The following TRPC4AP variants were observed in gnomAD, a reference collection of about 807,000 sequenced individuals.
The protein encoded by TRPC4AP is short transient receptor potential channel 4-associated protein.
TRPC4AP carries 45 observed loss-of-function variants against 99.0 expected under a neutral mutation model. The observed-to-expected ratio is 0.45, with a 90% CI of 0.36 to 0.58. TRPC4AP has a LOEUF of 0.58. Ranked by LOEUF, TRPC4AP falls within the 20% of genes least tolerant of loss-of-function variation. The pLI is 0.00. For synonymous variants in TRPC4AP, 408 were observed against 385.8 expected, an observed-to-expected ratio of 1.06 and a Z score of -0.67; for missense variants, 879 against 985.3, an observed-to-expected ratio of 0.89 and a Z score of 1.44.
intron 6 of TRPC4AP, 115 bp downstream of exon 6, chr20:35,049,751 A>T (rs1186429282): frequency 8.0e-7 from 1 of 1,252,934 alleles, no homozygotes; most frequent in East Asian, 2.5e-5. Context: ...ACATCTGAGT[A>T]ACAAGACATA....
Position 35,035,194 on chromosome 20 carries a change from G to A in TRPC4AP, c.980C>T (p.Thr327Ile), listed in dbSNP as rs1195957900. ...TAGCACCAAAGCATTGTCTAGCCAT[G>A]TGTACCACTCTTCCAACTCCTGAAG... is the stretch of plus-strand genomic sequence containing the variant. The part of the protein sequence containing the change: ...SFLQELEEWY[T>I]WLDNALVLDA... Residue 327 changes from threonine to isoleucine, a missense_variant, in exon 8 of 19, where the codon ACA becomes ATA. Thr to Ile is a moderately conservative substitution (Grantham distance 89). This residue lies in a region of TRPC4AP where 603 missense variants were observed against 631.8 expected (regional missense o/e 0.95). Transcript: ENST00000252015. 1 of 1,614,124 alleles carries A rather than the reference G, an allele frequency of 6.2e-7. No individual in the cohort carries two copies. The highest frequency in any genetic ancestry group is 1.7e-5 in the Admixed American group (1 of 60,004).
At chr20:35,052,101 T>C (rs2083715767) in intron 5 of TRPC4AP, among the ~76,000 whole-genome samples, 1 of 150,604 alleles carries the variant, frequency 6.6e-6, no homozygotes, top group African/African-American at 2.4e-5. Context: ...TTTTTTGGTT[T>C]TTTTTTTTTT....
At chr20:35,044,738 C>A (rs2083521110) in intron 6 of TRPC4AP, 26 bp from the exon 7 acceptor site, 4 of 1,607,988 alleles carry the variant, frequency 2.5e-6, no homozygotes, top group Non-Finnish European at 3.4e-6. Context: ...ATGAAACAAT[C>A]CCCATGCTCA....
chr20:35,083,384 G>C (rs942442408), intron 1 of TRPC4AP, among the ~76,000 whole-genome samples: 2 of 151,930 alleles, frequency 1.3e-5, no homozygotes, highest in African/African-American at 4.8e-5. Flanking sequence ...CAGATCACCT[G>C]AGATCAAGAG....
intron 7 of TRPC4AP, among the ~76,000 whole-genome samples, chr20:35,039,878 CTT>C (rs2083408376): frequency 6.6e-6 from 1 of 151,396 alleles, no homozygotes; most frequent in Non-Finnish European, 1.5e-5. Flanking sequence ...AAAATAATGA[CTT>C]ACGCTATCTT....
At chr20:35,057,391 C>T in intron 4 of TRPC4AP, 123 bp downstream of exon 4, 1 of 749,284 alleles carries the variant, frequency 1.3e-6, no homozygotes, top group South Asian at 1.8e-5. Flanking sequence ...CAACCTGTAG[C>T]TAAATGTAAG....
At chr20:35,027,940 G>A (rs1290526593) in intron 8 of TRPC4AP, among the ~76,000 whole-genome samples, 1 of 151,922 alleles carries the variant, frequency 6.6e-6, no homozygotes, top group Non-Finnish European at 1.5e-5. Context: ...TCTTTTTAAA[G>A]ATTACCTTTA....
At chr20:35,066,896 G>A (rs1191186988) in intron 3 of TRPC4AP, among the ~76,000 whole-genome samples, 1 of 151,990 alleles carries the variant, frequency 6.6e-6, no homozygotes, top group African/African-American at 2.4e-5. Context: ...CGAAAAAGGT[G>A]CAAAACAGAA....
intron 7 of TRPC4AP, 127 bp from the exon 8 acceptor site, chr20:35,035,435 T>C (rs371199403): frequency 9.9e-7 from 1 of 1,009,444 alleles, no homozygotes. Context: ...AGCTACTCTT[T>C]TAAAATGAAT....
In TRPC4AP at chr20:35,003,537, C is replaced by A; in HGVS notation, c.2129G>T (p.Arg710Leu). 6.2e-7 allele frequency: 1 copy of A among 1,613,912 alleles called. No individual in the cohort carries two copies. Among genetic ancestry groups the A allele is most frequent in the Non-Finnish European group, 8.5e-7 (1 of 1,179,996 alleles). ...GCTGTGCTCCATCCGCTGCAGCAGC[C>A]GCAGGTACAGGGGCAGCCGCTCTTT... ...RRKERLPLYL[R>L]LLQRMEHSKK... is the part of the protein sequence containing the mutation. The change falls in exon 18 of 19, where the codon CGG (arginine) becomes CTG (leucine). Residue 710 changes from arginine (R) to leucine (L), a missense_variant. Transcript: ENST00000252015.
intron 3 of TRPC4AP, among the ~76,000 whole-genome samples, chr20:35,066,714 A>C (rs887456457): frequency 5.3e-5 from 8 of 152,234 alleles, no homozygotes; most frequent in African/African-American, 1.9e-4. Flanking sequence ...AAAACTCTGA[A>C]GCCATTATAG....
intron 10 of TRPC4AP, among the ~76,000 whole-genome samples, chr20:35,014,077 C>A (rs554817713): frequency 1.3e-5 from 2 of 152,342 alleles, no homozygotes; most frequent in South Asian, 4.1e-4. Context: ...ACTAACCCCA[C>A]TGACCTCAAG....
In TRPC4AP at chr20:35,005,794, A is replaced by G. The variant is rs1196381922; in HGVS notation, c.1837T>C (p.Phe613Leu). Residue 613 changes from phenylalanine (F) to leucine (L), a missense_variant, in exon 16 of 19, where the codon TTC becomes CTC. Physicochemically the swap from Phe to Leu is conservative, Grantham distance 22. This residue lies in a region of TRPC4AP where 224 missense variants were observed against 264.7 expected (regional missense o/e 0.85). Transcript: ENST00000252015. ...YINTDAKFQVFLKQINSSLVD... is the reference protein window; with the variant it reads ...YINTDAKFQVLLKQINSSLVD... Reference sequence around the variant, plus strand: ...AGGGAGCTGTTGATCTGCTTCAGGAATACCTGGAACTATACAGAAACCAAG... The same window carrying G: ...AGGGAGCTGTTGATCTGCTTCAGGAGTACCTGGAACTATACAGAAACCAAG... 1.9e-6 allele frequency: 3 copies of G among 1,614,008 alleles called. No homozygotes were observed. The Admixed American group carries it at 5.0e-5, about 27-fold the overall frequency.
In TRPC4AP at chr20:35,069,840, T is replaced by C. The variant is rs866252028; in HGVS notation, c.298-428A>G. 2.6e-5 allele frequency among the ~76,000 whole-genome samples: 4 copies of C among 152,026 alleles called. No individual in the cohort carries two copies. The East Asian group carries it at 5.8e-4, about 22-fold the overall frequency. On this transcript the variant is annotated intron_variant, in intron 2 of 18. Coordinates refer to ENST00000252015, the MANE Select transcript of TRPC4AP (RefSeq NM_015638.3). The stretch of plus-strand genomic sequence containing the variant: ...CCTGTAATCCCAGCTACTCAGGAAT[T>C]TGAAGTACAAGAAGCACTTGAGCCA...
chr20:35,026,746 AATG>A (rs950194690), intron 8 of TRPC4AP, among the ~76,000 whole-genome samples: 2 of 152,142 alleles, frequency 1.3e-5, no homozygotes, highest in Non-Finnish European at 2.9e-5. Flanking sequence ...AATTTCTTTC[AATG>A]ATGTTTTAGA....
intron 3 of TRPC4AP, 126 bp downstream of exon 3, chr20:35,069,170 G>A: frequency 3.1e-6 from 2 of 640,688 alleles, no homozygotes; most frequent in African/African-American, 1.8e-5. Context: ...ATGCCGCTAA[G>A]CTTCTAAAAG....
At chr20:35,059,838 AGAAGAC>A (rs1167163432) in intron 3 of TRPC4AP, among the ~76,000 whole-genome samples, 3 of 151,726 alleles carry the variant, frequency 2.0e-5, no homozygotes, top group South Asian at 2.1e-4. Flanking sequence ...ATGAAGACAA[AGAAGAC>A]GAAGATGAAG....
At chr20:35,015,046 C>T (rs1191428181) in intron 10 of TRPC4AP, among the ~76,000 whole-genome samples, 5 of 152,272 alleles carry the variant, frequency 3.3e-5, no homozygotes, top group Admixed American at 1.3e-4. Context: ...TCACCCAGGC[C>T]GGATGTGCAG....
At chr20:35,084,520 G>GTATA (rs1569154754) in intron 1 of TRPC4AP, among the ~76,000 whole-genome samples, 3 of 147,800 alleles carry the variant, frequency 2.0e-5, no homozygotes, top group African/African-American at 7.4e-5. Context: ...ACGTATATAT[G>GTATA]TGTATATATG....
Sources: allele counts gnomAD v4.1 joint callset (sites outside exome capture counted in the v4.1 genomes callset), GRCh38; gene constraint gnomAD v4.1.1; regional missense constraint gnomAD v4.1.1; transcripts MANE v1.5; gene names NCBI Gene and HGNC (gene_info 2026-07-23, HGNC 2026-07-21).